Variants in MRPS28 observed in about 807,000 individuals in gnomAD.
MRPS28 encodes the protein small ribosomal subunit protein bS1m.
In MRPS28, 7 loss-of-function variants were observed where a neutral mutation model predicts 10.8. That is an observed-to-expected ratio of 0.65 (90% CI 0.37 to 1.22). MRPS28 has a LOEUF of 1.22. MRPS28 is among the 50% of genes most tolerant of loss of function. The pLI is 0.02. For missense variants in MRPS28, 265 were observed against 232.9 expected, an observed-to-expected ratio of 1.14 and a Z score of -0.90; for synonymous variants, 121 against 93.3, an observed-to-expected ratio of 1.30 and a Z score of -1.71.
chr8:79,945,764 A>G (rs1401695461), intron 2 of MRPS28, among the ~76,000 whole-genome samples: 3 of 152,210 alleles, frequency 2.0e-5, no homozygotes, highest in African/African-American at 7.2e-5. Flanking sequence ...AATTTTCAAA[A>G]CTGTATGAGA....
intron 2 of MRPS28, among the ~76,000 whole-genome samples, chr8:79,922,988 G>C (rs1810134491): frequency 6.6e-6 from 1 of 152,014 alleles, no homozygotes; most frequent in Admixed American, 6.6e-5. Context: ...ATTTACGTAT[G>C]GTCCATCAAG....
intron 2 of MRPS28, among the ~76,000 whole-genome samples, chr8:79,955,212 C>A (rs1468789551): frequency 6.6e-6 from 1 of 152,124 alleles, no homozygotes; most frequent in East Asian, 1.9e-4. Flanking sequence ...AGTTTTAGAA[C>A]CATCTGCCAT....
chr8:79,975,982 T>G (rs980595601), intron 2 of MRPS28, among the ~76,000 whole-genome samples: 3 of 152,192 alleles, frequency 2.0e-5, no homozygotes, highest in Non-Finnish European at 4.4e-5. Flanking sequence ...GTTTATGACA[T>G]AGTTAGCTGG....
intron 2 of MRPS28, among the ~76,000 whole-genome samples, chr8:79,999,742 T>G (rs1191832576): frequency 6.6e-6 from 1 of 152,184 alleles, no homozygotes; most frequent in East Asian, 1.9e-4. Flanking sequence ...GTAATCAAAC[T>G]ACTGATGTTA....
intron 1 of MRPS28, among the ~76,000 whole-genome samples, chr8:80,011,222 C>T (rs1015743193): frequency 6.6e-6 from 1 of 150,982 alleles, no homozygotes; most frequent in Non-Finnish European, 1.5e-5. Flanking sequence ...TAGTAGCTGC[C>T]ACTAAAGCAG....
chr8:80,007,776 T>C (rs1161555085), intron 1 of MRPS28, among the ~76,000 whole-genome samples: 16 of 151,932 alleles, frequency 1.1e-4, no homozygotes, highest in Admixed American at 5.3e-4. Context: ...TAAAAGAGGA[T>C]ACAAACAAAT....
intron 2 of MRPS28, among the ~76,000 whole-genome samples, chr8:79,984,581 T>A (rs1312176323): frequency 6.6e-6 from 1 of 152,036 alleles, no homozygotes; most frequent in Non-Finnish European, 1.5e-5. Flanking sequence ...TGGAGGAAGA[T>A]CTACCAAGCA....
intron 1 of MRPS28, among the ~76,000 whole-genome samples, chr8:80,008,968 AT>A (rs1808948600): frequency 6.6e-6 from 1 of 152,244 alleles, no homozygotes; most frequent in Non-Finnish European, 1.5e-5. Context: ...ATAAACACAC[AT>A]GCACACATAT....
intron 2 of MRPS28, among the ~76,000 whole-genome samples, chr8:79,969,774 G>A (rs1404515082): frequency 1.3e-5 from 2 of 152,116 alleles, no homozygotes; most frequent in African/African-American, 4.8e-5. Context: ...TTACGGTTAT[G>A]TAAGGTAAGA....
chr8:80,004,830 G>A (rs537720231), intron 1 of MRPS28, among the ~76,000 whole-genome samples: 12 of 152,324 alleles, frequency 7.9e-5, no homozygotes, highest in South Asian at 2.1e-4. Flanking sequence ...CAAGAACTAC[G>A]TGACGAATGC....
chr8:79,991,959 T>A (rs1055996370), intron 2 of MRPS28, among the ~76,000 whole-genome samples: 3 of 127,514 alleles, frequency 2.4e-5, no homozygotes, highest in African/African-American at 3.1e-5. Context: ...TCTCTCTCTC[T>A]CATCACTTAC....
chr8:79,999,649 C>T (rs562816558), intron 2 of MRPS28, among the ~76,000 whole-genome samples: 3 of 152,252 alleles, frequency 2.0e-5, no homozygotes, highest in African/African-American at 7.2e-5. Context: ...CTCCAAAAAA[C>T]AATGTATGTC....
chr8:79,976,019 C>T (rs574770673), intron 2 of MRPS28, among the ~76,000 whole-genome samples: 3 of 151,868 alleles, frequency 2.0e-5, no homozygotes, highest in East Asian at 3.9e-4. Context: ...TTTGGGAAGG[C>T]GGGGGAAGAC....
chr8:80,019,124 C>T (rs890069849), intron 1 of MRPS28, among the ~76,000 whole-genome samples: 1 of 151,698 alleles, frequency 6.6e-6, no homozygotes, highest in Admixed American at 6.6e-5. Flanking sequence ...TGAGTAAGAC[C>T]TAGTGTTTGA....
chr8:80,029,915 G>A (rs1402918880), intron 1 of MRPS28, 121 bp downstream of exon 1: 2 of 1,536,528 alleles, frequency 1.3e-6, no homozygotes, highest in Non-Finnish European at 1.7e-6. Context: ...CGCAACTCCG[G>A]AAAACTGGGC....
chr8:79,985,032 T>G (rs1374751534), intron 2 of MRPS28, among the ~76,000 whole-genome samples: 1 of 151,870 alleles, frequency 6.6e-6, no homozygotes, highest in Admixed American at 6.6e-5. Context: ...GAAGTAAAGC[T>G]CTCCTCAGCA....
At chr8:80,003,331 T>G in intron 1 of MRPS28, 151 bp from the exon 2 acceptor site, 1 of 587,472 alleles carries the variant, frequency 1.7e-6, no homozygotes, top group East Asian at 3.1e-5. Context: ...GCTCTTCAAC[T>G]TCCTCTTCCA....
At chr8:79,925,130 C>T (rs1411113277) in intron 2 of MRPS28, among the ~76,000 whole-genome samples, 4 of 151,862 alleles carry the variant, frequency 2.6e-5, no homozygotes, top group East Asian at 1.9e-4. Flanking sequence ...AAATACAGCA[C>T]ACATCTTAAG....
At chr8:80,022,697 T>A (rs1321911817) in intron 1 of MRPS28, among the ~76,000 whole-genome samples, 1 of 152,258 alleles carries the variant, frequency 6.6e-6, no homozygotes, top group East Asian at 1.9e-4. Context: ...TTAATTGCTC[T>A]TATTTCCTGA....
Sources: gnomAD v4.1 joint callset for allele counts (sites outside exome capture counted in the v4.1 genomes callset) on GRCh38, gnomAD v4.1.1 for gene constraint, MANE v1.5 for transcripts, NCBI Gene and HGNC (gene_info 2026-07-23, HGNC 2026-07-21) for gene names.